The following CELF4 variants were observed in gnomAD, a reference collection of about 807,000 sequenced individuals.
CELF4 encodes CUGBP Elav-like family member 4, also known as CUG-BP- and ETR-3-like factor 4.
In CELF4, 18 loss-of-function variants were observed where a neutral mutation model predicts 59.9. The observed-to-expected ratio is 0.30, with a 90% confidence interval of 0.21 to 0.45. The LOEUF (loss-of-function observed/expected upper bound fraction) is 0.45, where lower values mean the gene tolerates loss of function less well. CELF4 is among the 20% of genes least tolerant of loss of function. The probability of loss-of-function intolerance (pLI) is 1.00; values close to 1 mark genes in which losing one functional copy is unlikely to be tolerated. For missense variants in CELF4, 456 were observed against 689.0 expected, an observed-to-expected ratio of 0.66 and a Z score of 3.79; for synonymous variants, 261 against 267.1, an observed-to-expected ratio of 0.98 and a Z score of 0.22.
At chr18:37,341,538 A>T (rs570985449) in intron 2 of CELF4, among the ~76,000 whole-genome samples, 29 of 152,304 alleles carry the variant, frequency 1.9e-4, no homozygotes, top group African/African-American at 7.0e-4. Flanking sequence ...AGGGCTTTCC[A>T]CCTGGCTCTG....
intron 2 of CELF4, among the ~76,000 whole-genome samples, chr18:37,363,337 A>T (rs111417619): frequency 6.6e-6 from 1 of 152,234 alleles, no homozygotes; most frequent in African/African-American, 2.4e-5. Context: ...CAAACAACAA[A>T]TAGGAAAGGA....
chr18:37,443,002 C>T (rs1406053846), intron 2 of CELF4, among the ~76,000 whole-genome samples: 2 of 152,176 alleles, frequency 1.3e-5, no homozygotes, highest in Non-Finnish European at 2.9e-5. Context: ...TTCTACCCAT[C>T]CCTAAGCCTC....
At chr18:37,524,023 G>C (rs1181938708) in intron 1 of CELF4, among the ~76,000 whole-genome samples, 9 of 152,294 alleles carry the variant, frequency 5.9e-5, no homozygotes, top group Non-Finnish European at 2.9e-5. Context: ...TGGGTGCCGT[G>C]GATATCCCAG....
At chr18:37,528,577 T>C (rs1462190710) in intron 1 of CELF4, among the ~76,000 whole-genome samples, 3 of 152,200 alleles carry the variant, frequency 2.0e-5, no homozygotes, top group Non-Finnish European at 2.9e-5. Context: ...TCAAGGTGCA[T>C]GGCAGTGCGG....
At chr18:37,444,281 C>A (rs1049798832) in intron 2 of CELF4, among the ~76,000 whole-genome samples, 4 of 151,932 alleles carry the variant, frequency 2.6e-5, no homozygotes, top group South Asian at 2.1e-4. Context: ...GTGGATCCCC[C>A]CTAGCATCCC....
rs1211471254 is a variant in CELF4, at chr18:37,246,645, C to T, written c.*45-1448G>A. Among the ~76,000 whole-genome samples the T allele has an allele frequency of 2.6e-5, 4 of 151,810 alleles. No individual in the cohort carries two copies. Among genetic ancestry groups the T allele is most frequent in the African/African-American group, 7.2e-5 (3 of 41,406 alleles). Reference sequence around the variant, plus strand: ...TGAAAATAGCCTAACTGGAAAAAGACCAGACCTAGGAAAGTGTCAATTGAA... The same window carrying T: ...TGAAAATAGCCTAACTGGAAAAAGATCAGACCTAGGAAAGTGTCAATTGAA... On this transcript the variant is annotated intron_variant, in intron 12 of 12. Transcript: ENST00000420428. This position sits in a 1 kb window ranked among gnomAD's most constrained non-coding sequence, Gnocchi z 5.3.
At chr18:37,437,204 C>T (rs1032556122) in intron 2 of CELF4, among the ~76,000 whole-genome samples, 7 of 152,134 alleles carry the variant, frequency 4.6e-5, no homozygotes, top group Admixed American at 2.0e-4. Flanking sequence ...TGCCCCACCC[C>T]ATGCCCAAGA....
chr18:37,430,618 G>A (rs1419788857), intron 2 of CELF4, among the ~76,000 whole-genome samples: 1 of 152,220 alleles, frequency 6.6e-6, no homozygotes, highest in Non-Finnish European at 1.5e-5. Context: ...CCTGGTTTTT[G>A]CAAATGACAG....
intron 3 of CELF4, among the ~76,000 whole-genome samples, chr18:37,277,004 C>T (rs1377912164): frequency 1.3e-5 from 2 of 152,196 alleles, no homozygotes; most frequent in Non-Finnish European, 2.9e-5. Context: ...AGAACCCCCA[C>T]CTTGCCCAAA....
intron 2 of CELF4, among the ~76,000 whole-genome samples, chr18:37,448,061 C>T (rs562452754): frequency 6.6e-6 from 1 of 152,290 alleles, no homozygotes; most frequent in African/African-American, 2.4e-5. Context: ...CAGTGATTCC[C>T]AAATTAAAAT....
intron 1 of CELF4, among the ~76,000 whole-genome samples, chr18:37,550,686 G>T (rs1246068951): frequency 6.6e-6 from 1 of 152,260 alleles, no homozygotes; most frequent in Non-Finnish European, 1.5e-5. Flanking sequence ...CTCTGCTGCA[G>T]CAGGGGAGGT....
rs915038488 is a variant in CELF4, at chr18:37,497,740, C to T, written c.287-12133G>A. Among the ~76,000 whole-genome samples, 6 of 152,134 alleles carry T rather than the reference C, an allele frequency of 3.9e-5. No individual in the cohort carries two copies. The South Asian group carries it at 8.3e-4, about 21-fold the overall frequency. On this transcript the variant is annotated intron_variant, in intron 1 of 12. Transcript: ENST00000420428. ...GTGTGCAACCAACATACCTATCAAG[C>T]CAAAGTTTGTGCAGGGCCTATTGGT...
At chr18:37,325,268 G>A (rs1603477300) in intron 2 of CELF4, among the ~76,000 whole-genome samples, 1 of 152,166 alleles carries the variant, frequency 6.6e-6, no homozygotes, top group African/African-American at 2.4e-5. Flanking sequence ...GAGGAAGGCT[G>A]GGACCACTGG....
chr18:37,392,992 C>T (rs1043843101), intron 2 of CELF4, among the ~76,000 whole-genome samples: 1 of 152,190 alleles, frequency 6.6e-6, no homozygotes, highest in Non-Finnish European at 1.5e-5. Context: ...CTGTGGTGCC[C>T]CATGCCCAGC....
chr18:37,465,130 G>T (rs1254881046), intron 2 of CELF4, among the ~76,000 whole-genome samples: 1 of 152,176 alleles, frequency 6.6e-6, no homozygotes. Flanking sequence ...TTGGGGAGAT[G>T]CCTTAGGAAA....
chr18:37,295,267 A>T (rs2095573961), intron 3 of CELF4, among the ~76,000 whole-genome samples: 1 of 152,166 alleles, frequency 6.6e-6, no homozygotes, highest in African/African-American at 2.4e-5. Context: ...TTCCTCAAAG[A>T]TGTCATCCAG....
At chr18:37,362,391 C>A (rs117959978) in intron 2 of CELF4, among the ~76,000 whole-genome samples, 3 of 152,206 alleles carry the variant, frequency 2.0e-5, no homozygotes, top group African/African-American at 7.2e-5. Flanking sequence ...TGGGAGGCAG[C>A]CCCATCTCTT....
At chr18:37,309,976 A>G (rs1448359948) in intron 3 of CELF4, among the ~76,000 whole-genome samples, 4 of 151,354 alleles carry the variant, frequency 2.6e-5, no homozygotes, top group Admixed American at 1.3e-4. Context: ...CACATGCTCA[A>G]TATAGCTGTG....
At chr18:37,450,278 C>T (rs189058449) in intron 2 of CELF4, among the ~76,000 whole-genome samples, 126 of 151,854 alleles carry the variant, frequency 8.3e-4, no homozygotes, top group African/African-American at 2.6e-3. Flanking sequence ...GCAGGCTGAG[C>T]GGTCCCATTG....
Sources: gnomAD v4.1 joint callset for allele counts (sites outside exome capture counted in the v4.1 genomes callset) on GRCh38, gnomAD v4.1.1 for gene constraint, Gnocchi (gnomAD v3.1) non-coding constraint, MANE v1.5 for transcripts, NCBI Gene and HGNC (gene_info 2026-07-23, HGNC 2026-07-21) for gene names.